The following ERGIC1 variants were observed in gnomAD, a reference collection of about 807,000 sequenced individuals.
ERGIC1 encodes the protein endoplasmic reticulum-Golgi intermediate compartment protein 1.
A neutral mutation model predicts 38.3 loss-of-function variants in ERGIC1; 19 were observed. That is an observed-to-expected ratio of 0.50 (90% confidence interval 0.35 to 0.73). The LOEUF (loss-of-function observed/expected upper bound fraction) is 0.73, where lower values mean the gene tolerates loss of function less well. Among genes scored for constraint, ERGIC1 ranks in the 30% least tolerant of loss-of-function variants. ERGIC1 has a pLI of 0.01. For missense variants in ERGIC1, 294 were observed against 389.2 expected, an observed-to-expected ratio of 0.76 and a Z score of 2.06; for synonymous variants, 124 against 157.6, an observed-to-expected ratio of 0.79 and a Z score of 1.60.
intron 8 of ERGIC1, 60 bp downstream of exon 8, chr5:172,932,596 A>G (rs1763803435): frequency 4.6e-6 from 7 of 1,527,132 alleles, no homozygotes; most frequent in Non-Finnish European, 6.3e-6. Context: ...GACGGAGAGC[A>G]GAGATGACAG....
At chr5:172,847,391 A>G (rs535751339) in intron 1 of ERGIC1, among the ~76,000 whole-genome samples, 1 of 152,216 alleles carries the variant, frequency 6.6e-6, no homozygotes, top group Non-Finnish European at 1.5e-5. Context: ...TTTCATGAGC[A>G]TGTTAATAAG....
intron 1 of ERGIC1, among the ~76,000 whole-genome samples, chr5:172,853,309 G>T (rs1406844204): frequency 2.0e-5 from 3 of 152,164 alleles, no homozygotes; most frequent in Non-Finnish European, 2.9e-5. Flanking sequence ...GGCCCCCATC[G>T]TGCTGGGTGC....
chr5:172,937,088 C>A (rs375180098), intron 9 of ERGIC1: 12 of 152,124 alleles, frequency 7.9e-5, no homozygotes, highest in East Asian at 7.7e-4. Context: ...CAGTTTTTTG[C>A]TGTTCTCTTT....
intron 6 of ERGIC1, 139 bp downstream of exon 6, chr5:172,924,248 A>C: frequency 1.2e-6 from 1 of 822,994 alleles, no homozygotes; most frequent in East Asian, 2.7e-5. Context: ...AAGGGTAAGA[A>C]GGGTTTCACC....
chr5:172,866,409 C>T (rs1422702435), intron 1 of ERGIC1, among the ~76,000 whole-genome samples: 1 of 152,170 alleles, frequency 6.6e-6, no homozygotes, highest in African/African-American at 2.4e-5. Flanking sequence ...TTTCCTGTGT[C>T]CACTGGTGCC....
chr5:172,851,106 C>G (rs933829988), intron 1 of ERGIC1, among the ~76,000 whole-genome samples: 21 of 149,390 alleles, frequency 1.4e-4, no homozygotes, highest in Non-Finnish European at 2.9e-5. Context: ...GAGGCTTAGG[C>G]AGGAGAATCC....
chr5:172,940,210 C>T (rs987840701), intron 9 of ERGIC1, among the ~76,000 whole-genome samples: 9 of 152,096 alleles, frequency 5.9e-5, no homozygotes, highest in Non-Finnish European at 1.2e-4. Flanking sequence ...CCTCCAGGGT[C>T]TCATTGTCCC....
In ERGIC1 at chr5:172,912,465, G is replaced by A. The variant is rs149399703; in HGVS notation, c.251-2249G>A. ...TGCGATGGCGCGATCTTAGCTCACT[G>A]CAACCTCCGCCTCCCGGGTTCAAGC... On this transcript the variant is annotated intron_variant, in intron 4 of 9. Transcript: ENST00000393784. Among the ~76,000 whole-genome samples the A allele has an allele frequency of 3.6e-3, 548 of 152,330 alleles. 2 individuals carry two copies. Among genetic ancestry groups the A allele is most frequent in the African/African-American group, 0.012 (510 of 41,576 alleles).
intron 8 of ERGIC1, chr5:172,934,287 C>T (rs1201320287): frequency 2.6e-5 from 4 of 152,302 alleles, no homozygotes; most frequent in Admixed American, 2.6e-4. Flanking sequence ...ACTTTAGCAC[C>T]TTGAAGTGCC....
At chr5:172,915,186 T>G in intron 5 of ERGIC1, 1 of 619,214 alleles carries the variant, frequency 1.6e-6, no homozygotes, top group Non-Finnish European at 2.9e-6. Context: ...CATCTTAGGC[T>G]GAGGGTGTGA....
chr5:172,932,415 T>C (rs1763798296), intron 7 of ERGIC1, 21 bp from the exon 8 acceptor site: 1 of 1,613,048 alleles, frequency 6.2e-7, no homozygotes, highest in African/African-American at 1.3e-5. Context: ...CCTGCTTCAT[T>C]CTGCTGTGTC....
At chr5:172,898,130 C>G (rs1762771549) in intron 3 of ERGIC1, 2 of 377,260 alleles carry the variant, frequency 5.3e-6, no homozygotes, top group Admixed American at 4.5e-5. Flanking sequence ...GCCACCCACT[C>G]TCCTGCTCAA....
intron 3 of ERGIC1, 43 bp downstream of exon 3, chr5:172,897,117 G>T: frequency 6.3e-7 from 1 of 1,593,562 alleles, no homozygotes; most frequent in South Asian, 1.1e-5. Flanking sequence ...GATGTTCTGG[G>T]ACCCCAGACA....
intron 9 of ERGIC1, chr5:172,935,596 T>C (rs189381169): frequency 2.9e-6 from 1 of 344,064 alleles, no homozygotes; most frequent in Non-Finnish European, 5.4e-6. Context: ...CCACTAGATG[T>C]TTAGGATTTT....
At chr5:172,880,378 G>A (rs1762251013) in intron 1 of ERGIC1, among the ~76,000 whole-genome samples, 1 of 151,948 alleles carries the variant, frequency 6.6e-6, no homozygotes, top group African/African-American at 2.4e-5. Context: ...AGGCTGGAGT[G>A]CAGAGGCATG....
At chr5:172,922,838 C>G (rs1032977102) in intron 5 of ERGIC1, among the ~76,000 whole-genome samples, 6 of 152,144 alleles carry the variant, frequency 3.9e-5, no homozygotes, top group East Asian at 3.9e-4. Context: ...AAGATCTTAA[C>G]AGTCATTATT....
rs1284704996 is a variant in ERGIC1 at position 172,942,785 on chromosome 5, TGAGACCGA to T, written c.765+7477_765+7484del. Among the ~76,000 whole-genome samples the T allele has an allele frequency of 4.1e-4, 62 of 152,344 alleles. 1 individual carries two copies. Among genetic ancestry groups the T allele is most frequent in the African/African-American group, 1.4e-3 (58 of 41,584 alleles). On this transcript the variant is annotated intron_variant, in intron 9 of 9. Coordinates refer to ENST00000393784, the MANE Select transcript of ERGIC1 (RefSeq NM_001031711.3). ...CAGGTTCGGAGGCGGAAGAGGAACG[TGAGACCGA>T]GTGGGCTCCATTTTGCACACCAGGC...
intron 9 of ERGIC1, chr5:172,937,559 A>C (rs540909252): frequency 6.6e-6 from 1 of 152,362 alleles, no homozygotes; most frequent in South Asian, 2.1e-4. Context: ...AGTTTCAGCT[A>C]GTTGGGAGGC....
chr5:172,922,163 A>G (rs748090654), intron 5 of ERGIC1: 5 of 152,296 alleles, frequency 3.3e-5, no homozygotes, highest in African/African-American at 4.8e-5. Context: ...TCCAGGCATC[A>G]GAGGAGGGAG....
Sources: allele counts gnomAD v4.1 joint callset (sites outside exome capture counted in the v4.1 genomes callset), GRCh38; gene constraint gnomAD v4.1.1; transcripts MANE v1.5; gene names NCBI Gene and HGNC (gene_info 2026-07-23, HGNC 2026-07-21).